Variants in GABRG1 observed in about 807,000 individuals in gnomAD.
GABRG1 encodes the protein gamma-aminobutyric acid type A receptor subunit gamma1.
Under a neutral mutation model 49.8 loss-of-function variants are expected in GABRG1, and 49 were observed. That is an observed-to-expected ratio of 0.98 (90% CI 0.78 to 1.25). GABRG1 has a LOEUF of 1.25. GABRG1 is among the 50% of genes most tolerant of loss of function. The pLI is 0.00. For missense variants in GABRG1, 552 were observed against 552.3 expected (o/e 1.00, Z 0.01); for synonymous variants, 232 against 185.1 (o/e 1.25, Z -2.06).
intron 1 of GABRG1, among the ~76,000 whole-genome samples, chr4:46,123,607 A>T (rs1435764636): frequency 6.6e-6 from 1 of 152,124 alleles, no homozygotes; most frequent in African/African-American, 2.4e-5. Flanking sequence ...CAACTGAACC[A>T]ATCTCATGCT....
chr4:46,094,585 G>C lies in GABRG1; in HGVS notation c.253+2616C>G, dbSNP rs566624417. Among the ~76,000 whole-genome samples the C allele has an allele frequency of 1.3e-3, 195 of 151,960 alleles. 1 individual carries two copies. The highest frequency in any genetic ancestry group is 2.4e-3 in the Non-Finnish European group (160 of 67,918). On this transcript the variant is annotated intron_variant, in intron 2 of 8. Coordinates refer to ENST00000295452, the MANE Select transcript of GABRG1 (RefSeq NM_173536.4). ...TGATGTTCAAAATAGGTTGTTTCTG[G>C]GCCAAGAAAAATGTCAAAAACAAAA...
chr4:46,107,635 T>C (rs1002100082), intron 1 of GABRG1, among the ~76,000 whole-genome samples: 7 of 151,114 alleles, frequency 4.6e-5, no homozygotes, highest in Non-Finnish European at 4.4e-5. Flanking sequence ...TTTTGAATCA[T>C]TAAATAGAAA....
intron 1 of GABRG1, among the ~76,000 whole-genome samples, chr4:46,114,953 T>C (rs1720839077): frequency 6.6e-6 from 1 of 150,848 alleles, no homozygotes; most frequent in Non-Finnish European, 1.5e-5. Flanking sequence ...AAGAGTTTAT[T>C]GAGGAACATA....
intron 1 of GABRG1, among the ~76,000 whole-genome samples, chr4:46,102,175 G>A (rs1720402168): frequency 6.6e-6 from 1 of 151,592 alleles, no homozygotes; most frequent in Non-Finnish European, 1.5e-5. Context: ...ACTCTCTTAA[G>A]AAAATTATTG....
rs764054034 is a variant in GABRG1, at chr4:46,040,941, A to G, written c.*47T>C. 4.3e-5 allele frequency: 67 copies of G among 1,543,558 alleles called. No homozygotes were observed. The highest frequency in any genetic ancestry group is 5.7e-5 in the Non-Finnish European group (65 of 1,138,752). Reference sequence around the variant, plus strand: ...AAGTTACTGAAGCACAAAAGATTCTACTGAATTTAGTCAGACTTCTTTTGA... The same window carrying G: ...AAGTTACTGAAGCACAAAAGATTCTGCTGAATTTAGTCAGACTTCTTTTGA... On this transcript the variant is annotated 3_prime_UTR_variant, in exon 9 of 9. Coordinates refer to ENST00000295452, the MANE Select transcript of GABRG1 (RefSeq NM_173536.4).
chr4:46,052,282 TTCTA>T (rs149462989), intron 7 of GABRG1, among the ~76,000 whole-genome samples: 16,949 of 151,722 alleles, frequency 0.11, 1,121 homozygotes, highest in East Asian at 0.33. Flanking sequence ...ACAGATATTC[TTCTA>T]TCTAATTGAA....
chr4:46,078,073 A>T (rs1719426432), intron 3 of GABRG1, among the ~76,000 whole-genome samples: 1 of 151,910 alleles, frequency 6.6e-6, no homozygotes, highest in African/African-American at 2.4e-5. Flanking sequence ...AATATATTTT[A>T]TGTAGTGACA....
At chr4:46,119,785 T>C (rs1721042599) in intron 1 of GABRG1, among the ~76,000 whole-genome samples, 1 of 151,518 alleles carries the variant, frequency 6.6e-6, no homozygotes, top group South Asian at 2.1e-4. Context: ...ATTAGTGTCA[T>C]AAATCTAGGT....
chr4:46,107,942 T>C (rs1236208133), intron 1 of GABRG1, among the ~76,000 whole-genome samples: 1 of 151,228 alleles, frequency 6.6e-6, no homozygotes, highest in Non-Finnish European at 1.5e-5. Context: ...GTAAAATGTT[T>C]ATGTATATGT....
At chr4:46,052,971 A>G (rs1718287866) in intron 7 of GABRG1, among the ~76,000 whole-genome samples, 1 of 151,888 alleles carries the variant, frequency 6.6e-6, no homozygotes, top group African/African-American at 2.4e-5. Context: ...TGAATTTGGA[A>G]TTATGATACA....
At chr4:46,068,494 A>G (rs1389970215) in intron 3 of GABRG1, among the ~76,000 whole-genome samples, 1 of 152,120 alleles carries the variant, frequency 6.6e-6, no homozygotes, top group African/African-American at 2.4e-5. Flanking sequence ...TGGAAGACTT[A>G]TGATTTCCAA....
chr4:46,036,283 A>G lies in GABRG1; in HGVS notation c.*4705T>C, dbSNP rs919037592. Reference sequence around the variant, plus strand: ...GCAATTCTCTTATTCTCTTTGTCCAAATATATATATAATTTTATACATATA... The same window carrying G: ...GCAATTCTCTTATTCTCTTTGTCCAGATATATATATAATTTTATACATATA... On this transcript the variant is annotated 3_prime_UTR_variant, in exon 9 of 9. Transcript: ENST00000295452. The G allele has an allele frequency of 6.6e-6, 1 of 151,576 alleles. No homozygotes were observed. The highest frequency in any genetic ancestry group is 1.5e-5 in the Non-Finnish European group (1 of 67,792). The allele number at this position is 151,576 out of a possible 1,614,324, so 9.4% of individuals were successfully genotyped here. A position where few individuals can be genotyped will look rare whatever the true frequency, so the allele number is the denominator to read the frequency against.
intron 1 of GABRG1, among the ~76,000 whole-genome samples, chr4:46,106,144 G>A (rs1341325073): frequency 1.3e-5 from 2 of 151,398 alleles, no homozygotes; most frequent in African/African-American, 2.4e-5. Flanking sequence ...TTTAGAATAG[G>A]GTAGACACCT....
intron 5 of GABRG1, among the ~76,000 whole-genome samples, chr4:46,059,052 TA>T (rs1219162228): frequency 1.3e-5 from 2 of 152,172 alleles, no homozygotes; most frequent in African/African-American, 2.4e-5. Context: ...TTTGGCATAT[TA>T]TTTTTTTCTT....
intron 1 of GABRG1, among the ~76,000 whole-genome samples, chr4:46,101,007 ACTT>A (rs1294526596): frequency 2.6e-5 from 4 of 151,620 alleles, no homozygotes; most frequent in Non-Finnish European, 5.9e-5. Context: ...ATTAAAAAGT[ACTT>A]CATAATTTTA....
intron 2 of GABRG1, among the ~76,000 whole-genome samples, chr4:46,090,629 A>G (rs1262302779): frequency 6.6e-6 from 1 of 152,068 alleles, no homozygotes; most frequent in Admixed American, 6.6e-5. Context: ...AATTGATATC[A>G]AAATATCCAA....
rs1424928079 is a variant in GABRG1, at chr4:46,037,352, G to T, written c.*3636C>A. 6.6e-6 allele frequency: 1 copy of T among 151,798 alleles called. No individual in the cohort carries two copies. Among genetic ancestry groups the T allele is most frequent in the Non-Finnish European group, 1.5e-5 (1 of 67,848 alleles). The allele number at this position is 151,798 out of a possible 1,614,324, so 9.4% of individuals were successfully genotyped here. On this transcript the variant is annotated 3_prime_UTR_variant, in exon 9 of 9. Transcript: ENST00000295452. ...TTTGGAAAGTCCTTGATAAAGTTTGGTAATGGTTTTTGTAACTGTATAGAA... is the reference window on the plus strand; with the variant it reads ...TTTGGAAAGTCCTTGATAAAGTTTGTTAATGGTTTTTGTAACTGTATAGAA...
intron 1 of GABRG1, among the ~76,000 whole-genome samples, chr4:46,121,106 C>T (rs1721078612): frequency 6.6e-6 from 1 of 151,710 alleles, no homozygotes; most frequent in African/African-American, 2.4e-5. Flanking sequence ...AGTGTTTCTC[C>T]TCTATACTGT....
chr4:46,040,733 T>A lies in GABRG1; in HGVS notation c.*255A>T. On this transcript the variant is annotated 3_prime_UTR_variant, in exon 9 of 9. Coordinates refer to ENST00000295452, the MANE Select transcript of GABRG1 (RefSeq NM_173536.4). ...ATTCAAAATTATAATAACATATAAG[T>A]AAATTAAAGAAAATTTAAGTAAAAA... The A allele has an allele frequency of 3.6e-6, 1 of 277,506 alleles. No homozygotes were observed. Among genetic ancestry groups the A allele is most frequent in the Non-Finnish European group, 6.6e-6 (1 of 150,762 alleles). The allele number at this position is 277,506 out of a possible 1,614,324, so 17.2% of individuals were successfully genotyped here.
Sources: allele counts gnomAD v4.1 joint callset (sites outside exome capture counted in the v4.1 genomes callset), GRCh38; gene constraint gnomAD v4.1.1; transcripts MANE v1.5; gene names NCBI Gene and HGNC (gene_info 2026-07-23, HGNC 2026-07-21).